Variants in RBFOX1 observed in about 807,000 individuals in gnomAD.
The protein encoded by RBFOX1 is RNA binding protein fox-1 homolog 1.
In RBFOX1, 8 loss-of-function variants were observed where a neutral mutation model predicts 57.7. That is an observed-to-expected ratio of 0.14 (90% CI 0.08 to 0.25). The LOEUF is 0.25. Ranked by LOEUF, RBFOX1 falls within the 10% of genes least tolerant of loss-of-function variation. RBFOX1 has a pLI of 1.00. For missense variants in RBFOX1, 611 were observed against 548.5 expected (o/e 1.11, Z -1.14); for synonymous variants, 326 against 222.4 (o/e 1.47, Z -4.15).
intron 3 of RBFOX1, among the ~76,000 whole-genome samples, chr16:6,813,780 G>A (rs915739356): frequency 1.3e-5 from 2 of 152,208 alleles, no homozygotes; most frequent in Non-Finnish European, 2.9e-5. Context: ...GCAGGCACCT[G>A]CAGAGATGCG....
intron 4 of RBFOX1, among the ~76,000 whole-genome samples, chr16:5,890,639 G>A (rs761824757): frequency 6.7e-6 from 1 of 148,504 alleles, no homozygotes; most frequent in Non-Finnish European, 1.5e-5. Context: ...GGAGATTGCA[G>A]TGAGCCGAGA....
chr16:5,329,469 C>T (rs944679176), intron 1 of RBFOX1, among the ~76,000 whole-genome samples: 6 of 152,132 alleles, frequency 3.9e-5, no homozygotes, highest in Admixed American at 2.6e-4. Context: ...CCCCCATGAT[C>T]CAGTCAGCTC....
chr16:6,497,938 G>A lies in RBFOX1; in HGVS notation c.-63-156665G>A, dbSNP rs149631301. Among the ~76,000 whole-genome samples the A allele has an allele frequency of 4.6e-3, 694 of 152,102 alleles. 3 individuals carry two copies. The highest frequency in any genetic ancestry group is 5.7e-3 in the Non-Finnish European group (391 of 68,002). On this transcript the variant is annotated intron_variant, in intron 2 of 15. Transcript: ENST00000550418. ...CATATTTATAAATAAATTAATCACT[G>A]TTACCCATGTCAAAAGATGACAATT... is the stretch of plus-strand genomic sequence containing the variant.
chr16:7,310,532 G>C (rs1253348606), intron 4 of RBFOX1, among the ~76,000 whole-genome samples: 1 of 152,012 alleles, frequency 6.6e-6, no homozygotes, highest in Non-Finnish European at 1.5e-5. Flanking sequence ...CTTCATCAAG[G>C]GGCATACTTA....
intron 4 of RBFOX1, among the ~76,000 whole-genome samples, chr16:7,471,283 A>T (rs552737994): frequency 6.6e-6 from 1 of 152,196 alleles, no homozygotes; most frequent in African/African-American, 2.4e-5. Context: ...GCTATTTCCA[A>T]CAGAACTGCA....
intron 4 of RBFOX1, among the ~76,000 whole-genome samples, chr16:7,106,593 ATCTG>A (rs1339114524): frequency 6.6e-6 from 1 of 152,112 alleles, no homozygotes; most frequent in African/African-American, 2.4e-5. Context: ...TCTTTTAGAT[ATCTG>A]TCTATCTCAA....
intron 3 of RBFOX1, among the ~76,000 whole-genome samples, chr16:6,832,911 T>C (rs926235670): frequency 1.3e-5 from 2 of 152,202 alleles, no homozygotes; most frequent in Non-Finnish European, 2.9e-5. Context: ...TGTATCTGCA[T>C]TTCTGCAGCT....
intron 2 of RBFOX1, among the ~76,000 whole-genome samples, chr16:6,462,452 A>G (rs1024185854): frequency 1.3e-5 from 2 of 152,210 alleles, no homozygotes; most frequent in Non-Finnish European, 2.9e-5. Flanking sequence ...ACATATCTGC[A>G]TAGTATTCCA....
At chr16:5,655,726 G>C (rs12928589) in intron 3 of RBFOX1, among the ~76,000 whole-genome samples, 147,715 of 152,298 alleles carry the variant, frequency 0.97, 71,648 homozygotes, top group East Asian at 1. Context: ...TGAGAAGGTC[G>C]AAGTGGAAAT....
At chr16:7,482,489 TTGTTG>T (rs386788480) in intron 4 of RBFOX1, among the ~76,000 whole-genome samples, 24 of 100,332 alleles carry the variant, frequency 2.4e-4, no homozygotes, top group Admixed American at 1.2e-3. Context: ...GTTGTTGTTG[TTGTTG>T]TTTCTTAAAT....
chr16:6,064,076 T>A (rs2095725893), intron 1 of RBFOX1, among the ~76,000 whole-genome samples: 1 of 152,210 alleles, frequency 6.6e-6, no homozygotes, highest in Non-Finnish European at 1.5e-5. Context: ...TATGCGAGTA[T>A]GATACATTCC....
chr16:7,008,638 C>T (rs1267600142), intron 3 of RBFOX1, among the ~76,000 whole-genome samples: 1 of 111,588 alleles, frequency 9.0e-6, no homozygotes, highest in Admixed American at 8.6e-5. Context: ...CCCTTCCTCC[C>T]TCCCTTCCTT....
At chr16:6,881,979 A>G (rs1389450846) in intron 3 of RBFOX1, among the ~76,000 whole-genome samples, 2 of 152,220 alleles carry the variant, frequency 1.3e-5, no homozygotes, top group African/African-American at 2.4e-5. Flanking sequence ...TGGGTTAGAC[A>G]TAAAGGAGAA....
At chr16:7,109,477 G>T (rs980740704) in intron 4 of RBFOX1, among the ~76,000 whole-genome samples, 7 of 152,238 alleles carry the variant, frequency 4.6e-5, no homozygotes, top group African/African-American at 1.7e-4. Flanking sequence ...TGGAAGGAAG[G>T]TGGTGCACCT....
intron 1 of RBFOX1, among the ~76,000 whole-genome samples, chr16:5,392,407 G>A (rs1201077884): frequency 1.3e-5 from 2 of 152,046 alleles, no homozygotes; most frequent in Non-Finnish European, 2.9e-5. Context: ...CGCATTCATT[G>A]GTACTGGAGG....
rs1034287651 is a variant in RBFOX1, at chr16:5,528,423, G to A, written c.258+61169G>A. ...TTGTGTTAACTCTGTGCTTGGCACC[G>A]GGGCCACATCTGAGCACAGAGCAGA... On this transcript the variant is annotated intron_variant, in intron 2 of 2. Transcript: ENST00000585867. Among the ~76,000 whole-genome samples, 16 of 152,246 alleles carry A rather than the reference G, an allele frequency of 1.1e-4. No homozygotes were observed. In the South Asian group the frequency reaches 1.9e-3, roughly 18 times the overall value.
chr16:5,787,954 G>C (rs1185998364), intron 3 of RBFOX1, among the ~76,000 whole-genome samples: 1 of 152,212 alleles, frequency 6.6e-6, no homozygotes, highest in East Asian at 1.9e-4. Flanking sequence ...GCAGAGCTGG[G>C]CTCCAGACTG....
At chr16:6,473,076 C>T (rs900479212) in intron 2 of RBFOX1, among the ~76,000 whole-genome samples, 2 of 152,122 alleles carry the variant, frequency 1.3e-5, no homozygotes, top group African/African-American at 4.8e-5. Context: ...GTACCTCTCC[C>T]TATGTACCCC....
At chr16:7,710,374 T>G (rs747622819) in intron 15 of RBFOX1, 9 of 1,358,868 alleles carry the variant, frequency 6.6e-6, no homozygotes, top group Non-Finnish European at 8.5e-6. Context: ...CAGCTTATAA[T>G]AGAGTCCTTT....
Sources: allele counts gnomAD v4.1 joint callset (sites outside exome capture counted in the v4.1 genomes callset), GRCh38; gene constraint gnomAD v4.1.1; transcripts MANE v1.5; gene names NCBI Gene and HGNC (gene_info 2026-07-23, HGNC 2026-07-21).